The following XKR6 variants were observed in gnomAD, a reference collection of about 807,000 sequenced individuals.
XKR6 encodes XK-related protein 6.
Under a neutral mutation model 56.7 loss-of-function variants are expected in XKR6, and 22 were observed. That is an observed-to-expected ratio of 0.39 (90% confidence interval 0.28 to 0.55). XKR6 has a LOEUF of 0.55. Ranked by LOEUF, XKR6 falls within the 20% of genes least tolerant of loss-of-function variation. The pLI is 0.66. For synonymous variants in XKR6, 524 were observed against 387.8 expected, an observed-to-expected ratio of 1.35 and a Z score of -4.13; for missense variants, 852 against 889.0, an observed-to-expected ratio of 0.96 and a Z score of 0.53.
Position 10,910,558 on chromosome 8 carries a change from T to C in XKR6, c.962-11642A>G, listed in dbSNP as rs113788280. ...TTCTACAGCTGCAGGAAAGACGACA[T>C]GTGAGAAACACCACTGTGGCTCTCC... On this transcript the variant is annotated intron_variant, in intron 2 of 2. Coordinates refer to ENST00000416569, the MANE Select transcript of XKR6 (RefSeq NM_173683.4). Among the ~76,000 whole-genome samples the C allele has an allele frequency of 3.4e-3, 519 of 152,270 alleles. 5 individuals carry two copies. The highest frequency in any genetic ancestry group is 0.011 in the African/African-American group (474 of 41,560).
intron 1 of XKR6, chr8:11,106,765 A>C (rs1798690917): frequency 6.8e-6 from 1 of 147,104 alleles, no homozygotes; most frequent in Middle Eastern, 3.4e-3. Flanking sequence ...CAGGAGAATC[A>C]CTTGAACCCA....
chr8:10,965,932 C>G (rs1380618829), intron 1 of XKR6, among the ~76,000 whole-genome samples: 1 of 152,230 alleles, frequency 6.6e-6, no homozygotes. Context: ...CTTCAACCTC[C>G]CAAACTCTAG....
chr8:11,196,363 T>A (rs1803888307), intron 1 of XKR6, among the ~76,000 whole-genome samples: 1 of 152,188 alleles, frequency 6.6e-6, no homozygotes, highest in South Asian at 2.1e-4. Flanking sequence ...TGAACACTGT[T>A]TTGAATTTGC....
At chr8:11,145,317 A>C (rs920398428) in intron 1 of XKR6, among the ~76,000 whole-genome samples, 8 of 152,172 alleles carry the variant, frequency 5.3e-5, no homozygotes, top group African/African-American at 1.7e-4. Flanking sequence ...AGGAGGACTC[A>C]GTCTGCACCA....
intron 1 of XKR6, among the ~76,000 whole-genome samples, chr8:10,959,945 G>T (rs1226228688): frequency 6.6e-6 from 1 of 152,136 alleles, no homozygotes; most frequent in Non-Finnish European, 1.5e-5. Context: ...TGCCCAGAGT[G>T]CAGGATTTAA....
At chr8:11,101,462 T>C (rs1798479652) in intron 1 of XKR6, among the ~76,000 whole-genome samples, 1 of 151,276 alleles carries the variant, frequency 6.6e-6, no homozygotes, top group Non-Finnish European at 1.5e-5. Context: ...TTGTGCACTC[T>C]CTAAAATTAT....
intron 1 of XKR6, among the ~76,000 whole-genome samples, chr8:11,034,563 T>G (rs887713490): frequency 1.3e-5 from 2 of 152,162 alleles, no homozygotes; most frequent in African/African-American, 4.8e-5. Flanking sequence ...ATGGCAGGCT[T>G]TCCAGGAAGG....
chr8:11,173,269 A>G (rs1802470019), intron 1 of XKR6, among the ~76,000 whole-genome samples: 3 of 151,500 alleles, frequency 2.0e-5, no homozygotes, highest in Admixed American at 2.0e-4. Context: ...GCGTGAACCC[A>G]GGAGGCAGAG....
intron 1 of XKR6, among the ~76,000 whole-genome samples, chr8:11,186,730 T>C (rs1039707575): frequency 3.3e-5 from 5 of 152,176 alleles, no homozygotes; most frequent in Non-Finnish European, 7.3e-5. Context: ...CTTTCTTTCC[T>C]TTCTCTGACT....
At chr8:10,955,315 G>A (rs1474533696) in intron 1 of XKR6, among the ~76,000 whole-genome samples, 3 of 152,160 alleles carry the variant, frequency 2.0e-5, no homozygotes, top group Non-Finnish European at 2.9e-5. Context: ...TGGGATTATA[G>A]GTGTGTGCCG....
At chr8:11,112,303 G>C (rs1263631628) in intron 1 of XKR6, among the ~76,000 whole-genome samples, 1 of 152,028 alleles carries the variant, frequency 6.6e-6, no homozygotes, top group African/African-American at 2.4e-5. Flanking sequence ...TTTTAGTCGA[G>C]TAATAGCGGT....
chr8:11,098,373 A>G (rs1798341938), intron 1 of XKR6, among the ~76,000 whole-genome samples: 1 of 152,154 alleles, frequency 6.6e-6, no homozygotes, highest in South Asian at 2.1e-4. Flanking sequence ...TACGTGAGCA[A>G]GAGGACCCAG....
At chr8:11,041,183 C>T (rs1438742451) in intron 1 of XKR6, among the ~76,000 whole-genome samples, 2 of 152,080 alleles carry the variant, frequency 1.3e-5, no homozygotes, top group African/African-American at 4.8e-5. Context: ...AAATGTTATT[C>T]ATGAGGAGTT....
At chr8:11,046,160 A>T (rs942314372) in intron 1 of XKR6, among the ~76,000 whole-genome samples, 1 of 152,194 alleles carries the variant, frequency 6.6e-6, no homozygotes, top group Non-Finnish European at 1.5e-5. Flanking sequence ...GCACTTTGGG[A>T]GGTCGAGGTG....
intron 1 of XKR6, among the ~76,000 whole-genome samples, chr8:11,016,016 C>A (rs1027577286): frequency 6.7e-6 from 1 of 150,256 alleles, no homozygotes; most frequent in Non-Finnish European, 1.5e-5. Context: ...GGTCAGCAGA[C>A]CCCCGGTAAC....
intron 1 of XKR6, among the ~76,000 whole-genome samples, chr8:11,185,804 T>C (rs565306361): frequency 7.2e-5 from 11 of 152,328 alleles, no homozygotes; most frequent in African/African-American, 2.2e-4. Flanking sequence ...TGAAATATCA[T>C]CTAAAGAAAA....
At chr8:11,191,513 T>C (rs971313615) in intron 1 of XKR6, among the ~76,000 whole-genome samples, 1 of 152,178 alleles carries the variant, frequency 6.6e-6, no homozygotes, top group African/African-American at 2.4e-5. Context: ...ACTGATATGA[T>C]GCCAACATGA....
At chr8:11,062,132 C>A (rs1415130942) in intron 1 of XKR6, among the ~76,000 whole-genome samples, 1 of 152,184 alleles carries the variant, frequency 6.6e-6, no homozygotes, top group Non-Finnish European at 1.5e-5. Context: ...AATATCCCAT[C>A]TGGAAGTATG....
intron 1 of XKR6, among the ~76,000 whole-genome samples, chr8:11,086,148 A>ATATATATATTTT (rs71203369): frequency 8.3e-6 from 1 of 120,722 alleles, no homozygotes; most frequent in African/African-American, 3.9e-5. Context: ...ATATATATAT[A>ATATATATATTTT]TTTTTTTTTA....
Sources: allele counts gnomAD v4.1 joint callset (sites outside exome capture counted in the v4.1 genomes callset), GRCh38; gene constraint gnomAD v4.1.1; transcripts MANE v1.5; gene names NCBI Gene and HGNC (gene_info 2026-07-23, HGNC 2026-07-21).